SERAC1: variants seen among roughly 807,000 people sequenced by gnomAD.
SERAC1 encodes protein SERAC1.
Under a neutral mutation model 85.7 loss-of-function variants are expected in SERAC1, and 36 were observed. That is an observed-to-expected ratio of 0.42 (90% confidence interval 0.32 to 0.55). The LOEUF is 0.55. Ranked by LOEUF, SERAC1 falls within the 20% of genes least tolerant of loss-of-function variation. The pLI is 0.11. For synonymous variants in SERAC1, 242 were observed against 265.3 expected, an observed-to-expected ratio of 0.91 and a Z score of 0.85; for missense variants, 629 against 796.2, an observed-to-expected ratio of 0.79 and a Z score of 2.53.
At chr6:158,142,060 T>A (rs1034812966) in intron 8 of SERAC1, among the ~76,000 whole-genome samples, 5 of 152,214 alleles carry the variant, frequency 3.3e-5, no homozygotes, top group Admixed American at 2.6e-4. Context: ...TTATTCGTTC[T>A]GATTTCTCTT....
intron 3 of SERAC1, chr6:158,152,820 A>C (rs1487166810): frequency 7.2e-5 from 11 of 152,210 alleles, no homozygotes; most frequent in Admixed American, 7.2e-4. Flanking sequence ...TGTCCCATAC[A>C]GCCTAGGTGT....
chr6:158,134,408 T>C (rs888530694), intron 8 of SERAC1, among the ~76,000 whole-genome samples: 3 of 152,132 alleles, frequency 2.0e-5, no homozygotes, highest in Non-Finnish European at 4.4e-5. Context: ...AAGTCTAAGA[T>C]GAACATTTTC....
In SERAC1 at chr6:158,148,965, T is replaced by C. The variant is rs574469098; in HGVS notation, c.266-11A>G. On this transcript the variant is annotated splice_polypyrimidine_tract_variant and intron_variant, in intron 4 of 16. Transcript: ENST00000647468. ...CCTGCCAGGCAATACCTAAAATGAT[T>C]ATAAAATTAAGTAAAACCAAGAATG... 208 of 1,576,354 alleles carry C rather than the reference T, an allele frequency of 1.3e-4. 1 individual carries two copies. The South Asian group carries it at 2.3e-3, about 17-fold the overall frequency.
intron 10 of SERAC1, among the ~76,000 whole-genome samples, chr6:158,126,805 C>G (rs1248064324): frequency 6.6e-6 from 1 of 152,134 alleles, no homozygotes; most frequent in Non-Finnish European, 1.5e-5. Flanking sequence ...AATCTCAACA[C>G]TATGGGAGGC....
At chr6:158,154,619 G>T (rs1055171647) in intron 3 of SERAC1, among the ~76,000 whole-genome samples, 1 of 152,118 alleles carries the variant, frequency 6.6e-6, no homozygotes, top group Non-Finnish European at 1.5e-5. Flanking sequence ...ATAACAATTT[G>T]CTGAAAGAGG....
At chr6:158,166,540 G>A (rs1473581034) in intron 1 of SERAC1, among the ~76,000 whole-genome samples, 1 of 152,126 alleles carries the variant, frequency 6.6e-6, no homozygotes, top group African/African-American at 2.4e-5. Context: ...AAAACAATAT[G>A]GTGATTTTAA....
At chr6:158,121,256 GAGAT>G (rs1284904375) in intron 10 of SERAC1, among the ~76,000 whole-genome samples, 3 of 152,122 alleles carry the variant, frequency 2.0e-5, no homozygotes, top group African/African-American at 4.8e-5. Flanking sequence ...TTTTAGGAGA[GAGAT>G]AGGGTAGAAG....
chr6:158,146,971 C>T, intron 5 of SERAC1, 58 bp from the exon 6 acceptor site: 1 of 1,531,622 alleles, frequency 6.5e-7, no homozygotes, highest in Non-Finnish European at 9.0e-7. Flanking sequence ...CTTTTATCTT[C>T]ACTTTAAGAT....
chr6:158,113,509 T>C lies in SERAC1; in HGVS notation c.1768A>G (p.Thr590Ala). The C allele has an allele frequency of 6.2e-7, 1 of 1,614,108 alleles. No homozygotes were observed. The highest frequency in any genetic ancestry group is 8.5e-7 in the Non-Finnish European group (1 of 1,179,964). ...KNFQVLNFVE[T>A]LPTYIGSMIK... ...ATGCTGCCAATGTAGGTTGGTAGTG[T>C]TTCCACAAAATTCAGCACCTGGAAG... The change falls in exon 16 of 17, where the codon ACA (threonine) becomes GCA (alanine). Residue 590 changes from threonine (T) to alanine (A), a missense_variant. Thr to Ala is a moderately conservative substitution (Grantham distance 58, BLOSUM62 0). Coordinates refer to ENST00000647468, the MANE Select transcript of SERAC1 (RefSeq NM_032861.4).
intron 8 of SERAC1, among the ~76,000 whole-genome samples, chr6:158,139,553 A>C (rs538341557): frequency 2.0e-5 from 3 of 152,230 alleles, no homozygotes; most frequent in Non-Finnish European, 2.9e-5. Context: ...AAAAAGGACA[A>C]GTAACCCAAT....
intron 10 of SERAC1, among the ~76,000 whole-genome samples, chr6:158,124,610 T>C (rs1462439343): frequency 6.6e-6 from 1 of 151,612 alleles, no homozygotes; most frequent in Non-Finnish European, 1.5e-5. Context: ...GAGTCAAAAA[T>C]CAAACAGAAA....
chr6:158,111,362 A>G lies in SERAC1; in HGVS notation c.*4T>C, dbSNP rs1312394712. 1.9e-6 allele frequency: 3 copies of G among 1,579,996 alleles called. No individual in the cohort carries two copies. The highest frequency in any genetic ancestry group is 1.7e-4 in the Middle Eastern group (1 of 5,884). Reference sequence around the variant, plus strand: ...CACATATGAAAACTGGAAGAGCACAACTGTTAGTTTTCAAGGTCTTTGGCT... The same window carrying G: ...CACATATGAAAACTGGAAGAGCACAGCTGTTAGTTTTCAAGGTCTTTGGCT... On this transcript the variant is annotated 3_prime_UTR_variant, in exon 17 of 17. Coordinates refer to ENST00000647468, the MANE Select transcript of SERAC1 (RefSeq NM_032861.4).
At chr6:158,114,521 C>CA (rs1461019390) in intron 15 of SERAC1, 1 of 1,194,836 alleles carries the variant, frequency 8.4e-7, no homozygotes, top group East Asian at 3.5e-5. Context: ...TACTTAAAAG[C>CA]AAAACATTAT....
chr6:158,121,114 T>TATC (rs1784411531), intron 10 of SERAC1, among the ~76,000 whole-genome samples: 1 of 152,176 alleles, frequency 6.6e-6, no homozygotes, highest in Admixed American at 6.5e-5. Flanking sequence ...TGGATAATAC[T>TATC]ATCTATGCTA....
intron 7 of SERAC1, 85 bp downstream of exon 7, chr6:158,144,214 T>G: frequency 9.3e-7 from 1 of 1,075,286 alleles, no homozygotes; most frequent in Non-Finnish European, 1.3e-6. Flanking sequence ...CAACTACTTT[T>G]TTAAAGTGTT....
At chr6:158,139,715 G>C (rs1784872979) in intron 8 of SERAC1, among the ~76,000 whole-genome samples, 1 of 152,138 alleles carries the variant, frequency 6.6e-6, no homozygotes, top group Non-Finnish European at 1.5e-5. Context: ...TCCAGCCTGG[G>C]CAACACAGTG....
chr6:158,117,903 A>G lies in SERAC1; in HGVS notation c.1309-82T>C, dbSNP rs897539230. The G allele has an allele frequency of 3.2e-5, 34 of 1,057,384 alleles. No individual in the cohort carries two copies. The highest frequency in any genetic ancestry group is 2.7e-5 in the Non-Finnish European group (19 of 695,486). 65.5% of individuals were successfully genotyped at this position (1,057,384 alleles called of 1,614,324 possible). A position where few individuals can be genotyped will look rare whatever the true frequency, so the allele number is the denominator to read the frequency against. On this transcript the variant is annotated intron_variant, in intron 12 of 16. Transcript: ENST00000647468. This position sits in a 1 kb window ranked among gnomAD's most constrained non-coding sequence, Gnocchi z 4.3. ...TGCCTAGTAAATCAAATTTATAACTAAAGGCCTCTTGCACTATAATTAAAG... is the reference window on the plus strand; with the variant it reads ...TGCCTAGTAAATCAAATTTATAACTGAAGGCCTCTTGCACTATAATTAAAG...
intron 8 of SERAC1, among the ~76,000 whole-genome samples, chr6:158,142,844 AG>A (rs1439563236): frequency 6.6e-6 from 1 of 152,178 alleles, no homozygotes; most frequent in Non-Finnish European, 1.5e-5. Context: ...AGCATAGTGA[AG>A]GGCTCCTGAA....
At position 158,128,093 on chromosome 6, in the gene SERAC1, A is replaced by G. The variant is rs368268576; in HGVS notation, c.1015+15T>C. 5 of 1,611,444 alleles carry G rather than the reference A, an allele frequency of 3.1e-6. No homozygotes were observed. The highest frequency in any genetic ancestry group is 1.3e-5 in the African/African-American group (1 of 74,944). On this transcript the variant is annotated intron_variant, in intron 10 of 16. Coordinates refer to ENST00000647468, the MANE Select transcript of SERAC1 (RefSeq NM_032861.4). ...GAGAACAAAGTAAAAAATACTCAGT[A>G]TATAAAGCTGTTACCTGAGCGAACT...
Sources: gnomAD v4.1 joint callset for allele counts (sites outside exome capture counted in the v4.1 genomes callset) on GRCh38, gnomAD v4.1.1 for gene constraint, Gnocchi (gnomAD v3.1) non-coding constraint, MANE v1.5 for transcripts, NCBI Gene and HGNC (gene_info 2026-07-23, HGNC 2026-07-21) for gene names.